The following ALPK2 variants were observed in gnomAD, a reference collection of about 807,000 sequenced individuals.
The protein encoded by ALPK2 is alpha-protein kinase 2.
ALPK2 carries 127 observed loss-of-function variants against 163.1 expected under a neutral mutation model. That is an observed-to-expected ratio of 0.78 (90% CI 0.67 to 0.90). The LOEUF (loss-of-function observed/expected upper bound fraction) is 0.90, where lower values mean the gene tolerates loss of function less well. Among genes scored for constraint, ALPK2 ranks in the 40% least tolerant of loss-of-function variants. ALPK2 has a pLI of 0.00. For missense variants in ALPK2, 2,360 were observed against 2,589.6 expected, an observed-to-expected ratio of 0.91 and a Z score of 1.92; for synonymous variants, 953 against 959.1, an observed-to-expected ratio of 0.99 and a Z score of 0.12.
intron 3 of ALPK2, among the ~76,000 whole-genome samples, chr18:58,601,812 T>C (rs2052071429): frequency 6.6e-6 from 1 of 152,208 alleles, no homozygotes; most frequent in Non-Finnish European, 1.5e-5. Flanking sequence ...CACAGACCCA[T>C]GATAACTAAG....
chr18:58,622,719 A>G (rs59626332), intron 1 of ALPK2, among the ~76,000 whole-genome samples: 2,251 of 152,248 alleles, frequency 0.015, 60 homozygotes, highest in African/African-American at 0.051. Flanking sequence ...TGTGTCGTCA[A>G]TGTCATCACA....
chr18:58,552,448 G>T (rs1292553980), intron 4 of ALPK2, among the ~76,000 whole-genome samples: 1 of 152,162 alleles, frequency 6.6e-6, no homozygotes, highest in Non-Finnish European at 1.5e-5. Flanking sequence ...ATATGTAAAG[G>T]CTAGCACAGA....
intron 6 of ALPK2, among the ~76,000 whole-genome samples, chr18:58,527,614 T>G (rs2144137034): frequency 6.6e-6 from 1 of 152,324 alleles, no homozygotes; most frequent in South Asian, 2.1e-4. Flanking sequence ...AAAATACTGG[T>G]TAATTGCTCT....
intron 10 of ALPK2, among the ~76,000 whole-genome samples, chr18:58,512,634 G>A (rs1036752371): frequency 1.1e-4 from 16 of 151,384 alleles, no homozygotes; most frequent in African/African-American, 3.6e-4. Flanking sequence ...TGTGTGATGT[G>A]TATACGTATG....
Position 58,579,511 on chromosome 18 carries a change from G to A in ALPK2, c.1265C>T (p.Pro422Leu), listed in dbSNP as rs1168400738. The change falls in exon 4 of 13, where the codon CCC becomes CTC. Residue 422 changes from proline to leucine, a missense_variant. By Grantham distance (98) the Pro-to-Leu change is moderately conservative. Transcript: ENST00000361673. The part of the protein sequence containing the change: ...VRSSRVSKHG[P>L]SSPQTGMTLI... Reference sequence around the variant, plus strand: ...AGTCATCCCTGTTTGTGGGGATGAGGGACCGTGCTTGGAGACTCTGCTGCT... The same window carrying A: ...AGTCATCCCTGTTTGTGGGGATGAGAGACCGTGCTTGGAGACTCTGCTGCT... The A allele has an allele frequency of 1.2e-6, 2 of 1,613,876 alleles. No homozygotes were observed. Among genetic ancestry groups the A allele is most frequent in the Non-Finnish European group, 8.5e-7 (1 of 1,179,992 alleles).
chr18:58,607,346 T>C lies in ALPK2; in HGVS notation c.203A>G (p.Tyr68Cys), dbSNP rs149851208. The change falls in exon 3 of 13, where the codon TAT (tyrosine) becomes TGT (cysteine). Residue 68 changes from tyrosine to cysteine, a missense_variant. Coordinates refer to ENST00000361673, the MANE Select transcript of ALPK2 (RefSeq NM_052947.4). ...CCAAGAGAGATGTAACACATGAATATACTGATTCTCAAAGAATTCATAGTT... is the reference window on the plus strand; with the variant it reads ...CCAAGAGAGATGTAACACATGAATACACTGATTCTCAAAGAATTCATAGTT... ...ISNYEFFENQ[Y>C]IHVLHLSCCT... 6.2e-6 allele frequency: 10 copies of C among 1,613,074 alleles called. No homozygotes were observed. The African/African-American group carries it at 1.2e-4, about 19-fold the overall frequency.
In ALPK2 at chr18:58,516,908, C is replaced by A. The variant is rs752669384; in HGVS notation, c.5940G>T (p.Gln1980His). The change falls in exon 9 of 13, where the codon CAG becomes CAT. Residue 1980 changes from glutamine (Q) to histidine (H), a missense_variant and splice_region_variant. Gln to His is a conservative substitution (Grantham distance 24). Coordinates refer to ENST00000361673, the MANE Select transcript of ALPK2 (RefSeq NM_052947.4). ...LIQRNYKLAA[Q>H]ECYVQNTARY... ...ACAGCCTTTGGGCAGATGGACCCAC[C>A]TGGGCAGCGAGTTTGTAGTTCCTTT... The A allele has an allele frequency of 6.2e-7, 1 of 1,612,516 alleles. No individual in the cohort carries two copies. Among genetic ancestry groups the A allele is most frequent in the Admixed American group, 1.7e-5 (1 of 60,010 alleles).
intron 3 of ALPK2, among the ~76,000 whole-genome samples, chr18:58,595,736 A>T (rs2052037676): frequency 6.6e-6 from 1 of 152,200 alleles, no homozygotes; most frequent in Non-Finnish European, 1.5e-5. Context: ...ATGTATAGCC[A>T]GGAGTGGGCT....
chr18:58,515,113 T>G, intron 9 of ALPK2, 32 bp from the exon 10 acceptor site: 1 of 1,539,788 alleles, frequency 6.5e-7, no homozygotes, highest in Non-Finnish European at 9.0e-7. Context: ...AAAGCCCCAG[T>G]GACTACAGGA....
chr18:58,576,921 C>G (rs991116025), intron 4 of ALPK2, among the ~76,000 whole-genome samples: 1 of 152,234 alleles, frequency 6.6e-6, no homozygotes, highest in Non-Finnish European at 1.5e-5. Context: ...TCTCCACTTG[C>G]AGAAAATGCA....
At chr18:58,554,180 G>A (rs2051776696) in intron 4 of ALPK2, among the ~76,000 whole-genome samples, 2 of 152,166 alleles carry the variant, frequency 1.3e-5, no homozygotes. Context: ...CTTTACGGCA[G>A]TATGAAAACA....
Position 58,580,541 on chromosome 18 carries a change from T to G in ALPK2, c.235A>C (p.Lys79Gln), listed in dbSNP as rs2051953278. 1 of 1,613,070 alleles carries G rather than the reference T, an allele frequency of 6.2e-7. No individual in the cohort carries two copies. The highest frequency in any genetic ancestry group is 1.7e-5 in the Admixed American group (1 of 59,962). Reference sequence around the variant, plus strand: ...ATTTGATAGACAGCAGCATCATTTTTGGTACAGCTAGGATGAAGAGAATAT... The same window carrying G: ...ATTTGATAGACAGCAGCATCATTTTGGGTACAGCTAGGATGAAGAGAATAT... ...IHVLHLSCCT[K>Q]NDAAVYQISA... The change falls in exon 4 of 13, where the codon AAA becomes CAA. Residue 79 changes from lysine (K) to glutamine (Q), a missense_variant. By Grantham distance (53) the Lys-to-Gln change is moderately conservative. Coordinates refer to ENST00000361673, the MANE Select transcript of ALPK2 (RefSeq NM_052947.4).
chr18:58,592,205 A>G (rs2052018099), intron 3 of ALPK2, among the ~76,000 whole-genome samples: 1 of 152,234 alleles, frequency 6.6e-6, no homozygotes, highest in African/African-American at 2.4e-5. Flanking sequence ...AGCACACTGC[A>G]TGGGACTTGA....
intron 8 of ALPK2, among the ~76,000 whole-genome samples, chr18:58,522,992 C>T (rs1292967964): frequency 6.7e-6 from 1 of 149,956 alleles, no homozygotes; most frequent in East Asian, 2.0e-4. Context: ...ATACATGTGC[C>T]ATGCTGGTGT....
chr18:58,620,362 A>G (rs1176326172), intron 1 of ALPK2, among the ~76,000 whole-genome samples: 1 of 152,246 alleles, frequency 6.6e-6, no homozygotes, highest in Non-Finnish European at 1.5e-5. Flanking sequence ...AAACATTCTC[A>G]GTATGCTCAG....
chr18:58,500,550 A>G (rs1324297941), intron 11 of ALPK2, among the ~76,000 whole-genome samples: 3 of 152,258 alleles, frequency 2.0e-5, no homozygotes, highest in Non-Finnish European at 4.4e-5. Flanking sequence ...CCTAGTGTGC[A>G]GCTATCAAGC....
At chr18:58,514,207 T>C (rs2051509153) in intron 10 of ALPK2, among the ~76,000 whole-genome samples, 1 of 152,214 alleles carries the variant, frequency 6.6e-6, no homozygotes, top group Non-Finnish European at 1.5e-5. Context: ...ACTTTACACA[T>C]GGTCTTCCAA....
At chr18:58,578,604 C>A in intron 4 of ALPK2, 1 of 511,798 alleles carries the variant, frequency 2.0e-6, no homozygotes, top group Non-Finnish European at 3.4e-6. Flanking sequence ...TTTATCTGGG[C>A]CTTTTTTTCA....
intron 3 of ALPK2, among the ~76,000 whole-genome samples, chr18:58,600,332 C>T (rs1377219476): frequency 1.3e-5 from 2 of 152,262 alleles, no homozygotes; most frequent in South Asian, 2.1e-4. Flanking sequence ...TCACCGCATC[C>T]GGCCCCAGTG....
Sources: gnomAD v4.1 joint callset for allele counts (sites outside exome capture counted in the v4.1 genomes callset) on GRCh38, gnomAD v4.1.1 for gene constraint, MANE v1.5 for transcripts, NCBI Gene and HGNC (gene_info 2026-07-23, HGNC 2026-07-21) for gene names.